Variants in PPP2R2C observed in about 807,000 individuals in gnomAD.
The protein encoded by PPP2R2C is protein phosphatase 2, regulatory subunit B, gamma.
A neutral mutation model predicts 45.3 loss-of-function variants in PPP2R2C; 10 were observed. That is an observed-to-expected ratio of 0.22 (90% confidence interval 0.14 to 0.37). PPP2R2C has a LOEUF of 0.37. Among genes scored for constraint, PPP2R2C ranks in the 10% least tolerant of loss-of-function variants. The pLI, the probability that PPP2R2C is intolerant of heterozygous loss-of-function variation, is 1.00. For missense variants in PPP2R2C, 308 were observed against 619.7 expected (o/e 0.50, Z 5.34); for synonymous variants, 257 against 245.4 (o/e 1.05, Z -0.44).
At chr4:6,439,647 C>T (rs1034952556) in intron 1 of PPP2R2C, among the ~76,000 whole-genome samples, 2 of 152,148 alleles carry the variant, frequency 1.3e-5, no homozygotes, top group Non-Finnish European at 2.9e-5. Context: ...TGCCTCCAGT[C>T]CACCCCCATC....
chr4:6,434,501 G>C (rs1026888241), intron 1 of PPP2R2C, among the ~76,000 whole-genome samples: 1 of 151,606 alleles, frequency 6.6e-6, no homozygotes, highest in Non-Finnish European at 1.5e-5. Context: ...TAAAATTACA[G>C]GCATGCACCA....
chr4:6,528,600 T>C (rs995581517), intron 2 of PPP2R2C, among the ~76,000 whole-genome samples: 7 of 152,174 alleles, frequency 4.6e-5, no homozygotes, highest in Admixed American at 3.3e-4. Flanking sequence ...GTATCACCCA[T>C]CCTTACTGTC....
chr4:6,330,074 G>C lies in PPP2R2C; in HGVS notation c.961-721C>G, dbSNP rs1448878914. Among the ~76,000 whole-genome samples, 1 of 152,134 alleles carries C rather than the reference G, an allele frequency of 6.6e-6. No homozygotes were observed. Among genetic ancestry groups the C allele is most frequent in the East Asian group, 1.9e-4 (1 of 5,172 alleles). On this transcript the variant is annotated intron_variant, in intron 7 of 8. Coordinates refer to ENST00000382599, the MANE Select transcript of PPP2R2C (RefSeq NM_020416.4). The surrounding 1 kb of genome is among the most constrained non-coding windows in gnomAD (Gnocchi z 7.0). ...TCACAGGGTCACACAGCCTCTAAGA[G>C]GCTGACCAGGACCCTTCCCCAGGAT...
intron 1 of PPP2R2C, among the ~76,000 whole-genome samples, chr4:6,447,681 G>A (rs950186353): frequency 2.0e-5 from 3 of 152,098 alleles, no homozygotes; most frequent in Admixed American, 6.6e-5. Flanking sequence ...TCCTTCCGTC[G>A]CCCTTTTGAG....
At chr4:6,527,528 G>A (rs1456347018) in intron 2 of PPP2R2C, among the ~76,000 whole-genome samples, 2 of 152,188 alleles carry the variant, frequency 1.3e-5, no homozygotes, top group Non-Finnish European at 2.9e-5. Flanking sequence ...AATACCATGA[G>A]AACACAGCCC....
intron 2 of PPP2R2C, among the ~76,000 whole-genome samples, chr4:6,489,163 C>T (rs1461931724): frequency 6.6e-6 from 1 of 152,232 alleles, no homozygotes; most frequent in East Asian, 1.9e-4. Flanking sequence ...CCAGGAATCT[C>T]TCAAGGCAGT....
intron 6 of PPP2R2C, among the ~76,000 whole-genome samples, chr4:6,346,201 G>C (rs113134260): frequency 3.9e-5 from 6 of 152,244 alleles, no homozygotes; most frequent in African/African-American, 1.4e-4. Context: ...CTCCCCCGGG[G>C]ACCCTCTGCG....
chr4:6,403,490 A>AC (rs1560519636), intron 1 of PPP2R2C, among the ~76,000 whole-genome samples: 1 of 151,910 alleles, frequency 6.6e-6, no homozygotes, highest in African/African-American at 2.4e-5. Context: ...GGAGGTCCCC[A>AC]CCCCCACGGA....
At chr4:6,379,982 T>C (rs1008144969) in intron 2 of PPP2R2C, 2 of 151,736 alleles carry the variant, frequency 1.3e-5, no homozygotes, top group Non-Finnish European at 2.9e-5. Context: ...TTCTCCACCT[T>C]CTCTTCTCCT....
chr4:6,390,229 G>GT (rs1222295441), intron 1 of PPP2R2C, among the ~76,000 whole-genome samples: 3 of 91,410 alleles, frequency 3.3e-5, no homozygotes, highest in Non-Finnish European at 6.5e-5. Context: ...GAGGGAGGCT[G>GT]GGGGTGCACA....
chr4:6,528,324 T>C (rs540749664), intron 2 of PPP2R2C, among the ~76,000 whole-genome samples: 1 of 152,346 alleles, frequency 6.6e-6, no homozygotes, highest in Admixed American at 6.5e-5. Context: ...GAACATGTCC[T>C]GAACAGGGGC....
At chr4:6,541,565 G>A (rs1442351872) in intron 1 of PPP2R2C, among the ~76,000 whole-genome samples, 2 of 152,042 alleles carry the variant, frequency 1.3e-5, no homozygotes, top group African/African-American at 2.4e-5. Flanking sequence ...TTTGTTTGGT[G>A]AGACAGAGTC....
intron 1 of PPP2R2C, among the ~76,000 whole-genome samples, chr4:6,408,213 T>A (rs904517252): frequency 6.6e-5 from 10 of 152,180 alleles, no homozygotes; most frequent in African/African-American, 2.4e-4. Flanking sequence ...GAAATTAAAG[T>A]GCCAACAAAA....
intron 2 of PPP2R2C, chr4:6,523,426 T>C (rs1363003296): frequency 6.6e-6 from 1 of 152,216 alleles, no homozygotes. Flanking sequence ...AAATGGGCAG[T>C]GGCCTTGGAC....
intron 1 of PPP2R2C, among the ~76,000 whole-genome samples, chr4:6,413,354 A>G (rs944839896): frequency 2.6e-5 from 4 of 152,238 alleles, no homozygotes; most frequent in African/African-American, 2.4e-5. Context: ...ATACTCGTGC[A>G]TGTGTGCACA....
At chr4:6,484,525 A>C (rs1722470160) in intron 2 of PPP2R2C, among the ~76,000 whole-genome samples, 1 of 151,238 alleles carries the variant, frequency 6.6e-6, no homozygotes, top group African/African-American at 2.4e-5. Flanking sequence ...AAAAAAAAAA[A>C]CCTGTTCAGA....
rs565067099 is a variant in PPP2R2C at position 6,531,460 on chromosome 4, A to C, written c.49+3811T>G. ...GGAGAGGGCAGCTACAACCGCCAGGAAACAAGCAGTCCCTGGTAGCCCAGA... is the reference window on the plus strand; with the variant it reads ...GGAGAGGGCAGCTACAACCGCCAGGCAACAAGCAGTCCCTGGTAGCCCAGA... On this transcript the variant is annotated intron_variant, in intron 2 of 9. Transcript: ENST00000506140. Among the ~76,000 whole-genome samples the C allele has an allele frequency of 6.6e-5, 10 of 152,320 alleles. No individual in the cohort carries two copies. The East Asian group carries it at 1.9e-3, about 29-fold the overall frequency.
intron 2 of PPP2R2C, among the ~76,000 whole-genome samples, chr4:6,486,006 T>C (rs1231854886): frequency 1.3e-5 from 2 of 152,042 alleles, no homozygotes; most frequent in Non-Finnish European, 2.9e-5. Context: ...CTTCCTTCTA[T>C]TCCAATATAC....
In PPP2R2C at chr4:6,330,795, G is replaced by A. The variant is rs1054251456; in HGVS notation, c.961-1442C>T. 3.3e-5 allele frequency among the ~76,000 whole-genome samples: 5 copies of A among 152,180 alleles called. No homozygotes were observed. The highest frequency in any genetic ancestry group is 1.2e-4 in the African/African-American group (5 of 41,438). On this transcript the variant is annotated intron_variant, in intron 7 of 8. Transcript: ENST00000382599. The surrounding 1 kb of genome is among the most constrained non-coding windows in gnomAD (Gnocchi z 7.0). The stretch of plus-strand genomic sequence containing the variant: ...CTAGGGGAAGCAGGATTGGGAGGAA[G>A]GGCCTGCTATTCACTGCACACAGGA...
Sources: gnomAD v4.1 joint callset for allele counts (sites outside exome capture counted in the v4.1 genomes callset) on GRCh38, gnomAD v4.1.1 for gene constraint, Gnocchi (gnomAD v3.1) non-coding constraint, MANE v1.5 for transcripts, NCBI Gene and HGNC (gene_info 2026-07-23, HGNC 2026-07-21) for gene names.